Variants in NSRP1 observed in about 807,000 individuals in gnomAD.
NSRP1 encodes the protein coiled-coil domain containing 55.
NSRP1 carries 24 observed loss-of-function variants against 54.7 expected under a neutral mutation model. The ratio of observed to expected loss-of-function variants is 0.44; its 90% CI spans 0.32 to 0.62. The LOEUF is 0.62. Ranked by LOEUF, NSRP1 falls within the 20% of genes least tolerant of loss-of-function variation. NSRP1 has a pLI of 0.06. For missense variants in NSRP1, 596 were observed against 651.2 expected (o/e 0.92, Z 0.92); for synonymous variants, 210 against 213.8 (o/e 0.98, Z 0.15).
chr17:30,146,657 T>C (rs917362059), intron 2 of NSRP1, among the ~76,000 whole-genome samples: 4 of 152,238 alleles, frequency 2.6e-5, no homozygotes, highest in Non-Finnish European at 5.9e-5. Context: ...TATATATTTT[T>C]AAGAGTCTTG....
intron 3 of NSRP1, among the ~76,000 whole-genome samples, chr17:30,176,085 GTTT>G (rs968687328): frequency 9.6e-4 from 136 of 142,050 alleles, no homozygotes; most frequent in African/African-American, 2.3e-3. Context: ...TATTCATACT[GTTT>G]TTTTTTGTTG....
At chr17:30,118,867 TC>T (rs1567787175) in intron 2 of NSRP1, among the ~76,000 whole-genome samples, 1 of 151,128 alleles carries the variant, frequency 6.6e-6, no homozygotes, top group Non-Finnish European at 1.5e-5. Flanking sequence ...TCTTGCCTAA[TC>T]TTCCTGAGTA....
intron 3 of NSRP1, among the ~76,000 whole-genome samples, chr17:30,175,106 G>C (rs1905084384): frequency 6.6e-6 from 1 of 151,744 alleles, no homozygotes; most frequent in Non-Finnish European, 1.5e-5. Context: ...GTTTTCTTTG[G>C]GTTTATTTTG....
At chr17:30,150,984 G>C (rs1331774609) in intron 2 of NSRP1, among the ~76,000 whole-genome samples, 2 of 151,942 alleles carry the variant, frequency 1.3e-5, no homozygotes, top group Non-Finnish European at 2.9e-5. Context: ...CACCACACTT[G>C]GCTGTTTCCA....
At chr17:30,167,044 C>T (rs538521528) in intron 2 of NSRP1, among the ~76,000 whole-genome samples, 61 of 152,226 alleles carry the variant, frequency 4.0e-4, no homozygotes, top group Non-Finnish European at 5.0e-4. Flanking sequence ...ATTTCCCTCA[C>T]TTACCCTTCC....
At chr17:30,168,009 C>T (rs368260666) in intron 2 of NSRP1, 6 of 152,024 alleles carry the variant, frequency 3.9e-5, no homozygotes, top group Non-Finnish European at 7.4e-5. Flanking sequence ...CATAGGACAC[C>T]GTTCAATATT....
Position 30,179,231 on chromosome 17 carries a change from T to C in NSRP1, c.442T>C (p.Tyr148His), listed in dbSNP as rs779542980. Reference sequence around the variant, plus strand: ...TAAAGAAGCATTTGTGACATCTGCATATAAGAAAAAACTGCAAGAGAGAGC... The same window carrying C: ...TAAAGAAGCATTTGTGACATCTGCACATAAGAAAAAACTGCAAGAGAGAGC... ...DDKEAFVTSA[Y>H]KKKLQERAEE... is the part of the protein sequence containing the mutation. The change falls in exon 5 of 7, where the codon TAT becomes CAT. Residue 148 changes from tyrosine to histidine, a missense_variant. Physicochemically the swap from Tyr to His is moderately conservative, Grantham distance 83. Coordinates refer to ENST00000247026, the MANE Select transcript of NSRP1 (RefSeq NM_032141.4). 6.2e-7 allele frequency: 1 copy of C among 1,609,872 alleles called. No individual in the cohort carries two copies. Among genetic ancestry groups the C allele is most frequent in the Admixed American group, 1.7e-5 (1 of 59,766 alleles).
intron 2 of NSRP1, among the ~76,000 whole-genome samples, chr17:30,130,922 TTG>T (rs2071693917): frequency 1.3e-5 from 2 of 152,258 alleles, no homozygotes; most frequent in African/African-American, 2.4e-5. Flanking sequence ...CAGATATTTA[TTG>T]ATCACTTGCC....
chr17:30,129,742 T>G (rs1422313084), intron 2 of NSRP1, among the ~76,000 whole-genome samples: 1 of 152,206 alleles, frequency 6.6e-6, no homozygotes, highest in Non-Finnish European at 1.5e-5. Context: ...AGATAATGCC[T>G]TACTTCTGTA....
rs10549815 is a variant in NSRP1 at position 30,182,048 on chromosome 17, C to CTTT, written c.617+1054_617+1056dup. On this transcript the variant is annotated intron_variant, in intron 6 of 6. Coordinates refer to ENST00000247026, the MANE Select transcript of NSRP1 (RefSeq NM_032141.4). ...AGGTATGAGCCACTGCACCTGGCTG[C>CTTT]TTTTTTTTTTTTTTTTTTTTTTTTA... Among the ~76,000 whole-genome samples, 475 of 98,336 alleles carry CTTT rather than the reference C, an allele frequency of 4.8e-3. 3 individuals carry two copies. Among genetic ancestry groups the CTTT allele is most frequent in the Middle Eastern group, 0.013 (2 of 152 alleles). The allele number at this position is 98,336 out of a possible 152,430, so 64.5% of individuals were successfully genotyped here.
At position 30,127,063 on chromosome 17, in the gene NSRP1, T is replaced by A. The variant is rs1319828300; in HGVS notation, c.114+8890T>A. ...AAATTATGAGCATGAGTAATAAATG[T>A]GTTTTAATAAAATTTTATTTACAAA... On this transcript the variant is annotated intron_variant, in intron 2 of 6. Coordinates refer to ENST00000247026, the MANE Select transcript of NSRP1 (RefSeq NM_032141.4). Among the ~76,000 whole-genome samples the A allele has an allele frequency of 3.3e-5, 5 of 152,260 alleles. No homozygotes were observed. The East Asian group carries it at 9.6e-4, about 29-fold the overall frequency.
chr17:30,121,240 C>T (rs555469168), intron 2 of NSRP1, among the ~76,000 whole-genome samples: 42 of 152,166 alleles, frequency 2.8e-4, no homozygotes, highest in Non-Finnish European at 4.6e-4. Context: ...GGGAAGATAA[C>T]TCTTGAATTG....
chr17:30,182,662 C>T lies in NSRP1; in HGVS notation c.617+1646C>T, dbSNP rs140243964. Among the ~76,000 whole-genome samples the T allele has an allele frequency of 1.4e-3, 216 of 150,260 alleles. 1 individual carries two copies. Among genetic ancestry groups the T allele is most frequent in the Admixed American group, 5.9e-3 (89 of 15,056 alleles). ...TCTCAAAAAATAAAATGGCTGGGCACGGTGGCTCATGCCTATAATCCCAGC... is the reference window on the plus strand; with the variant it reads ...TCTCAAAAAATAAAATGGCTGGGCATGGTGGCTCATGCCTATAATCCCAGC... On this transcript the variant is annotated intron_variant, in intron 6 of 6. Coordinates refer to ENST00000247026, the MANE Select transcript of NSRP1 (RefSeq NM_032141.4).
intron 2 of NSRP1, among the ~76,000 whole-genome samples, chr17:30,133,704 A>C (rs912138188): frequency 1.3e-5 from 2 of 152,146 alleles, no homozygotes; most frequent in Non-Finnish European, 2.9e-5. Flanking sequence ...TCTGTTGTTT[A>C]TTGTAGCCAC....
intron 2 of NSRP1, among the ~76,000 whole-genome samples, chr17:30,142,997 A>T (rs1003583364): frequency 6.6e-6 from 1 of 152,228 alleles, no homozygotes; most frequent in Non-Finnish European, 1.5e-5. Flanking sequence ...GACAATTTCT[A>T]ATTGGAAGAT....
At chr17:30,177,201 T>C (rs2143009589) in intron 3 of NSRP1, among the ~76,000 whole-genome samples, 1 of 151,820 alleles carries the variant, frequency 6.6e-6, no homozygotes, top group East Asian at 1.9e-4. Flanking sequence ...TGAAACTCTG[T>C]CTCTACAAAA....
chr17:30,173,514 C>G (rs780543826), intron 3 of NSRP1, among the ~76,000 whole-genome samples: 1 of 151,740 alleles, frequency 6.6e-6, no homozygotes, highest in Non-Finnish European at 1.5e-5. Context: ...AGCGAGGTGC[C>G]TTTGTTTTTC....
chr17:30,169,656 T>G (rs1056632583), intron 2 of NSRP1, among the ~76,000 whole-genome samples: 4 of 152,084 alleles, frequency 2.6e-5, no homozygotes, highest in African/African-American at 9.6e-5. Context: ...CCTAGCTCAA[T>G]AAATGTTAGC....
At chr17:30,160,957 G>C (rs1322089638) in intron 2 of NSRP1, among the ~76,000 whole-genome samples, 1 of 152,148 alleles carries the variant, frequency 6.6e-6, no homozygotes, top group Non-Finnish European at 1.5e-5. Flanking sequence ...TTTTCTCATT[G>C]CGTAACCAGG....
Sources: allele counts gnomAD v4.1 joint callset (sites outside exome capture counted in the v4.1 genomes callset), GRCh38; gene constraint gnomAD v4.1.1; transcripts MANE v1.5; gene names NCBI Gene and HGNC (gene_info 2026-07-23, HGNC 2026-07-21).